CXADR: variants seen among roughly 807,000 people sequenced by gnomAD.
CXADR encodes CXADR cell adhesion molecule.
A neutral mutation model predicts 40.3 loss-of-function variants in CXADR; 20 were observed. The ratio of observed to expected loss-of-function variants is 0.50; its 90% CI spans 0.35 to 0.72. The LOEUF is 0.72. CXADR is among the 30% of genes least tolerant of loss of function. CXADR has a pLI of 0.01. For missense variants in CXADR, 332 were observed against 449.1 expected (o/e 0.74, Z 2.36); for synonymous variants, 150 against 161.3 (o/e 0.93, Z 0.53).
the CXADR span, among the ~76,000 whole-genome samples, chr21:17,614,827 C>T: frequency 2.6e-5 from 4 of 152,142 alleles, no homozygotes; most frequent in East Asian, 7.7e-4. Flanking sequence ...TTTCTCTCAT[C>T]CACTTCCCTT....
chr21:17,560,929 T>C, intron 5 of CXADR, 105 bp downstream of exon 5: 1 of 1,488,380 alleles, frequency 6.7e-7, no homozygotes, highest in Non-Finnish European at 9.0e-7. Flanking sequence ...ACACTGACTT[T>C]GATCAGAACA....
intron 1 of CXADR, among the ~76,000 whole-genome samples, chr21:17,531,298 CAA>C (rs112689570): frequency 0.043 from 5,474 of 128,152 alleles, 331 homozygotes; most frequent in African/African-American, 0.14. Flanking sequence ...GACTCTGTCT[CAA>C]AAAAAAAAAA....
chr21:17,520,044 C>T (rs969467030), intron 1 of CXADR, among the ~76,000 whole-genome samples: 6 of 152,046 alleles, frequency 3.9e-5, no homozygotes, highest in Non-Finnish European at 8.8e-5. Flanking sequence ...ATTTGCACCT[C>T]AACCCACCTC....
At chr21:17,598,334 TA>T (rs1422922834), downstream of CXADR, among the ~76,000 whole-genome samples, 1 of 152,232 alleles carries the variant, frequency 6.6e-6, no homozygotes, top group African/African-American at 2.4e-5. Flanking sequence ...AATGAGATTT[TA>T]AAATATCAGG....
chr21:17,602,158 CAA>C, the CXADR span, among the ~76,000 whole-genome samples: 3 of 140,048 alleles, frequency 2.1e-5, no homozygotes, highest in African/African-American at 2.6e-5. Flanking sequence ...CAGAAATCAC[CAA>C]AAAAAAAAAA....
chr21:17,551,620 C>T, intron 2 of CXADR, 129 bp from the exon 3 acceptor site: 1 of 717,148 alleles, frequency 1.4e-6, no homozygotes. Context: ...CCCCATAATA[C>T]TGTGTTCTTC....
chr21:17,591,740 T>C (rs576341562), intron 7 of CXADR, among the ~76,000 whole-genome samples: 1 of 152,034 alleles, frequency 6.6e-6, no homozygotes, highest in African/African-American at 2.4e-5. Context: ...AATAGCCCGA[T>C]AAGGCTTTCA....
chr21:17,544,715 G>A lies in CXADR; in HGVS notation c.44-2312G>A, dbSNP rs188386726. On this transcript the variant is annotated intron_variant, in intron 1 of 6. Coordinates refer to ENST00000284878, the MANE Select transcript of CXADR (RefSeq NM_001338.5). ...ACATCCTGTTGGTCAAAGCTGGGCA[G>A]GCCTCAGGTTTAAGGGAGCAGGTGC... 2.2e-4 allele frequency among the ~76,000 whole-genome samples: 33 copies of A among 152,302 alleles called. 1 individual carries two copies. The highest frequency in any genetic ancestry group is 1.9e-3 in the Admixed American group (29 of 15,300).
chr21:17,560,040 G>A (rs946346676), intron 4 of CXADR, among the ~76,000 whole-genome samples: 1 of 151,910 alleles, frequency 6.6e-6, no homozygotes, highest in Non-Finnish European at 1.5e-5. Context: ...TATAGTAAGA[G>A]TTGGCTCTTT....
intron 7 of CXADR, among the ~76,000 whole-genome samples, chr21:17,587,588 T>C (rs1236859258): frequency 6.6e-6 from 1 of 152,168 alleles, no homozygotes; most frequent in Non-Finnish European, 1.5e-5. Flanking sequence ...GATGGGGTTG[T>C]TTTTTTCTTG....
chr21:17,515,628 G>A (rs906446274), intron 1 of CXADR, among the ~76,000 whole-genome samples: 1 of 152,090 alleles, frequency 6.6e-6, no homozygotes, highest in African/African-American at 2.4e-5. Context: ...TGGCTAACAC[G>A]GTGAAACCCC....
At chr21:17,562,907 C>T (rs1293322259) in intron 6 of CXADR, among the ~76,000 whole-genome samples, 2 of 152,162 alleles carry the variant, frequency 1.3e-5, no homozygotes, top group African/African-American at 4.8e-5. Flanking sequence ...GAGTTAGGGC[C>T]TTGCTCTGGA....
intron 3 of CXADR, among the ~76,000 whole-genome samples, chr21:17,555,741 T>TC (rs747778906): frequency 6.6e-6 from 1 of 152,188 alleles, no homozygotes; most frequent in South Asian, 2.1e-4. Context: ...TTATTATTTT[T>TC]CCCTCTATAA....
chr21:17,593,207 A>G, exon 8 of CXADR: 1 of 1,438,178 alleles, frequency 7.0e-7, no homozygotes, highest in South Asian at 1.6e-5. Context: ...TGGACTACTG[A>G]AGAATCTGAA....
chr21:17,542,617 T>C (rs958801886), intron 1 of CXADR, among the ~76,000 whole-genome samples: 5 of 152,244 alleles, frequency 3.3e-5, no homozygotes, highest in African/African-American at 1.2e-4. Context: ...TGGTTCCGTC[T>C]GTTTATTTAC....
At chr21:17,584,631 A>G (rs922677646) in intron 7 of CXADR, among the ~76,000 whole-genome samples, 3 of 152,180 alleles carry the variant, frequency 2.0e-5, no homozygotes, top group African/African-American at 7.2e-5. Flanking sequence ...GGAGTTTGAG[A>G]CCAGCCTGGC....
intron 3 of CXADR, among the ~76,000 whole-genome samples, chr21:17,555,762 T>C (rs2061026388): frequency 6.6e-6 from 1 of 152,172 alleles, no homozygotes; most frequent in East Asian, 1.9e-4. Flanking sequence ...TTAAAAAATG[T>C]CTTGGGGGAG....
At chr21:17,517,961 GTGGCAAAA>G in intron 1 of CXADR, among the ~76,000 whole-genome samples, 1 of 152,202 alleles carries the variant, frequency 6.6e-6, no homozygotes, top group East Asian at 1.9e-4. Context: ...CATGAAGCCA[GTGGCAAAA>G]TACCTCAAGA....
intron 1 of CXADR, among the ~76,000 whole-genome samples, chr21:17,534,103 T>C (rs1287413612): frequency 1.4e-5 from 1 of 71,528 alleles, no homozygotes; most frequent in Non-Finnish European, 2.9e-5. Context: ...TATATATATT[T>C]TTTTTTTTTT....
Sources: allele counts gnomAD v4.1 joint callset (sites outside exome capture counted in the v4.1 genomes callset), GRCh38; gene constraint gnomAD v4.1.1; transcripts MANE v1.5; gene names NCBI Gene and HGNC (gene_info 2026-07-23, HGNC 2026-07-21).